Variants in FAM120B observed in about 807,000 individuals in gnomAD.
FAM120B encodes the protein family with sequence similarity 120 member B.
In FAM120B, 83 loss-of-function variants were observed where a neutral mutation model predicts 96.3. That is an observed-to-expected ratio of 0.86 (90% CI 0.72 to 1.03). The LOEUF (loss-of-function observed/expected upper bound fraction) is 1.03, where lower values mean the gene tolerates loss of function less well. Ranked by LOEUF, FAM120B falls within the 50% of genes least tolerant of loss-of-function variation. The pLI, the probability that FAM120B is intolerant of heterozygous loss-of-function variation, is 0.00. For missense variants in FAM120B, 1,027 were observed against 1,121.2 expected (o/e 0.92, Z 1.20); for synonymous variants, 407 against 402.7 (o/e 1.01, Z -0.13).
chr6:170,342,380 A>G (rs1462269840), intron 4 of FAM120B, among the ~76,000 whole-genome samples: 9 of 152,220 alleles, frequency 5.9e-5, no homozygotes, highest in Admixed American at 3.9e-4. Context: ...TATTAACCCT[A>G]GGAATATGTA....
chr6:170,400,709 TTA>T (rs761880003), intron 9 of FAM120B, among the ~76,000 whole-genome samples: 3 of 152,216 alleles, frequency 2.0e-5, no homozygotes, highest in Non-Finnish European at 4.4e-5. Flanking sequence ...CTCTTAATAT[TTA>T]TGTCAAACTA....
chr6:170,301,598 C>A (rs547693316), intron 1 of FAM120B, among the ~76,000 whole-genome samples: 1 of 152,312 alleles, frequency 6.6e-6, no homozygotes, highest in South Asian at 2.1e-4. Context: ...ATTTTTCAAA[C>A]TTTTATGCTC....
intron 6 of FAM120B, among the ~76,000 whole-genome samples, chr6:170,373,901 A>G (rs9356591): frequency 0.31 from 47,288 of 152,050 alleles, 8,382 homozygotes; most frequent in East Asian, 0.79. Flanking sequence ...ACCAAATCAC[A>G]GAATATGCAA....
chr6:170,330,713 C>G (rs1434706435), intron 4 of FAM120B, 163 bp downstream of exon 4: 1 of 621,728 alleles, frequency 1.6e-6, no homozygotes, highest in Admixed American at 2.9e-5. Context: ...AACAAAGTCC[C>G]AAAATAATGG....
intron 4 of FAM120B, among the ~76,000 whole-genome samples, chr6:170,333,349 G>T (rs989388552): frequency 6.6e-6 from 1 of 152,080 alleles, no homozygotes; most frequent in African/African-American, 2.4e-5. Flanking sequence ...CTCACCAGAA[G>T]CCAACCATGC....
At chr6:170,324,282 T>G (rs2115043094) in intron 3 of FAM120B, among the ~76,000 whole-genome samples, 1 of 152,296 alleles carries the variant, frequency 6.6e-6, no homozygotes, top group East Asian at 1.9e-4. Context: ...TAGATTCCTG[T>G]AGCACCACCC....
rs1161710988 is a variant in FAM120B at position 170,317,994 on chromosome 6, G to GAC, written c.607_608dup (p.Val204ProfsTer31). On this transcript the variant is annotated frameshift_variant, in exon 2 of 11. Coordinates refer to ENST00000476287, the MANE Select transcript of FAM120B (RefSeq NM_032448.3). LOFTEE classifies it high-confidence loss of function. ...TAGCGAGCTCTGCCTAGAGAGCCTG[G>GAC]ACACCGTCATGCTCTGCAGAGAGAA... 1 of 1,613,796 alleles carries GAC rather than the reference G, an allele frequency of 6.2e-7. No homozygotes were observed. The highest frequency in any genetic ancestry group is 2.2e-5 in the East Asian group (1 of 44,878).
rs76948468 is a variant in FAM120B, at chr6:170,329,412, A to G, written c.1916-1037A>G. On this transcript the variant is annotated intron_variant, in intron 3 of 10. Transcript: ENST00000476287. The stretch of plus-strand genomic sequence containing the variant: ...TTGCTAGAACCATTTCTTCAGTTCT[A>G]GTGTTGATGGTAGGAAGGCTGGTCA... 8.8e-3 allele frequency among the ~76,000 whole-genome samples: 1,339 copies of G among 152,236 alleles called. 68 individuals are homozygous for G. The East Asian group carries it at 0.11, about 12-fold the overall frequency.
chr6:170,298,664 AT>A (rs1312504660), intron 1 of FAM120B, among the ~76,000 whole-genome samples: 1 of 151,904 alleles, frequency 6.6e-6, no homozygotes, highest in African/African-American at 2.4e-5. Flanking sequence ...GTGAGTCTGA[AT>A]TTTTTTTAGG....
In FAM120B at chr6:170,388,222, G is replaced by GAGATCTGT. The variant is rs1790300483; in HGVS notation, c.2284-64_2284-57dup. ...CTGAGCAGAGTAACTTTGCAGAGCT[G>GAGATCTGT]AGATCTGTTTCCTGCATGTGTGACT... On this transcript the variant is annotated intron_variant, in intron 6 of 10. Transcript: ENST00000476287. 3.6e-6 allele frequency: 5 copies of GAGATCTGT among 1,401,968 alleles called. No individual in the cohort carries two copies. The Admixed American group carries it at 8.8e-5, about 25-fold the overall frequency. 86.8% of individuals were successfully genotyped at this position (1,401,968 alleles called of 1,614,324 possible). A position where few individuals can be genotyped will look rare whatever the true frequency, so the allele number is the denominator to read the frequency against.
intron 2 of FAM120B, among the ~76,000 whole-genome samples, chr6:170,321,459 C>T (rs1439393921): frequency 6.6e-6 from 1 of 152,216 alleles, no homozygotes; most frequent in African/African-American, 2.4e-5. Context: ...GGCACTATAT[C>T]CTCTGCCTCC....
intron 5 of FAM120B, among the ~76,000 whole-genome samples, chr6:170,357,597 GGAT>G (rs1243767971): frequency 2.6e-5 from 4 of 152,162 alleles, no homozygotes; most frequent in Non-Finnish European, 4.4e-5. Context: ...TGCCAAAAGT[GGAT>G]GATGACCCCA....
chr6:170,300,532 A>G (rs1235004329), intron 1 of FAM120B, among the ~76,000 whole-genome samples: 2 of 152,186 alleles, frequency 1.3e-5, no homozygotes, highest in African/African-American at 4.8e-5. Flanking sequence ...ATACCTGCCC[A>G]ACGGTCCCCC....
intron 5 of FAM120B, among the ~76,000 whole-genome samples, chr6:170,356,260 C>T (rs919541212): frequency 6.6e-6 from 1 of 152,152 alleles, no homozygotes; most frequent in Non-Finnish European, 1.5e-5. Context: ...CATGAGCAGA[C>T]TTGGTAACTT....
intron 4 of FAM120B, among the ~76,000 whole-genome samples, chr6:170,339,633 G>A (rs977788576): frequency 6.6e-5 from 10 of 152,122 alleles, no homozygotes; most frequent in African/African-American, 2.4e-4. Context: ...CAAAAAAGTA[G>A]CCAGGCATTG....
chr6:170,397,085 C>G (rs544918032), intron 9 of FAM120B, among the ~76,000 whole-genome samples: 1 of 152,330 alleles, frequency 6.6e-6, no homozygotes, highest in South Asian at 2.1e-4. Context: ...GGGGGCTCCC[C>G]GTGGGCTGGG....
intron 8 of FAM120B, among the ~76,000 whole-genome samples, chr6:170,394,334 G>C (rs942431103): frequency 1.3e-5 from 2 of 152,232 alleles, no homozygotes; most frequent in African/African-American, 4.8e-5. Flanking sequence ...TTTTTGAGGT[G>C]ATGTGATGAG....
chr6:170,384,907 CCT>C (rs1284017633), intron 6 of FAM120B, among the ~76,000 whole-genome samples: 1 of 152,216 alleles, frequency 6.6e-6, no homozygotes, highest in African/African-American at 2.4e-5. Flanking sequence ...TTTAACAAAG[CCT>C]CTCTCAAGAG....
At chr6:170,401,683 C>T (rs1455224790) in intron 9 of FAM120B, among the ~76,000 whole-genome samples, 3 of 152,162 alleles carry the variant, frequency 2.0e-5, no homozygotes, top group Admixed American at 6.5e-5. Context: ...AGTCTGAGAT[C>T]CAGAATGCTC....
Sources: allele counts gnomAD v4.1 joint callset (sites outside exome capture counted in the v4.1 genomes callset), GRCh38; gene constraint gnomAD v4.1.1; transcripts MANE v1.5; gene names NCBI Gene and HGNC (gene_info 2026-07-23, HGNC 2026-07-21).